Variants in CTDP1 observed in about 807,000 individuals in gnomAD.
The protein encoded by CTDP1 is RNA polymerase II subunit A C-terminal domain phosphatase.
CTDP1 carries 47 observed loss-of-function variants against 91.8 expected under a neutral mutation model. The ratio of observed to expected loss-of-function variants is 0.51; its 90% CI spans 0.41 to 0.65. The LOEUF (loss-of-function observed/expected upper bound fraction) is 0.65. Among genes scored for constraint, CTDP1 ranks in the 30% least tolerant of loss-of-function variants. The pLI is 0.00. For missense variants in CTDP1, 1,272 were observed against 1,373.7 expected (o/e 0.93, Z 1.17); for synonymous variants, 656 against 598.5 (o/e 1.10, Z -1.40).
chr18:79,742,181 TGAGAGAGAGAGA>T (rs35935192), intron 12 of CTDP1, among the ~76,000 whole-genome samples: 121 of 99,958 alleles, frequency 1.2e-3, no homozygotes, highest in African/African-American at 4.0e-3. Flanking sequence ...GCATGAAGCA[TGAGAGAGAGAGA>T]GAGAGAGAGA....
chr18:79,753,447 TG>T (rs1466059367), intron 12 of CTDP1, among the ~76,000 whole-genome samples: 1 of 152,234 alleles, frequency 6.6e-6, no homozygotes, highest in Non-Finnish European at 1.5e-5. Flanking sequence ...GTAACAGGGC[TG>T]GGGCCTCTTC....
Position 79,715,542 on chromosome 18 carries a change from C to G in CTDP1, c.2068+14C>G. ...CCGCGCGAGCTGGTGAGTGCTGCCT[C>G]CCTGTGCCCTGGGCATGGTCAGGCC... On this transcript the variant is annotated intron_variant, in intron 8 of 12. Transcript: ENST00000613122. 1 of 1,540,788 alleles carries G rather than the reference C, an allele frequency of 6.5e-7. No individual in the cohort carries two copies. Among genetic ancestry groups the G allele is most frequent in the South Asian group, 1.2e-5 (1 of 84,256 alleles).
chr18:79,731,869 A>G (rs2086571849), intron 11 of CTDP1, among the ~76,000 whole-genome samples: 1 of 152,182 alleles, frequency 6.6e-6, no homozygotes, highest in African/African-American at 2.4e-5. Flanking sequence ...AGATCACATG[A>G]GATGTAAGAA....
At chr18:79,702,175 GTTGA>G in intron 4 of CTDP1, among the ~76,000 whole-genome samples, 1 of 152,160 alleles carries the variant, frequency 6.6e-6, no homozygotes, top group Non-Finnish European at 1.5e-5. Flanking sequence ...GAAAGGAAGA[GTTGA>G]TTGATGGGAC....
rs541703706 is a variant in CTDP1 at position 79,703,164 on chromosome 18, A to T, written c.622-1603A>T. The T allele has an allele frequency of 5.3e-5, 8 of 152,330 alleles. No individual in the cohort carries two copies. The East Asian group carries it at 1.5e-3, about 29-fold the overall frequency. 9.4% of individuals were successfully genotyped at this position (152,330 alleles called of 1,614,324 possible). On this transcript the variant is annotated intron_variant, in intron 4 of 12. Coordinates refer to ENST00000613122, the MANE Select transcript of CTDP1 (RefSeq NM_004715.5). ...CTTCTCACTCCTAAATATTTGACAG[A>T]GTAGCTTCTTCATGACGGTCGTGAC...
intron 11 of CTDP1, among the ~76,000 whole-genome samples, chr18:79,729,346 C>T (rs1032262648): frequency 1.3e-5 from 2 of 152,206 alleles, no homozygotes; most frequent in South Asian, 2.1e-4. Flanking sequence ...TCACCAGGAC[C>T]GATGCCGCCC....
At chr18:79,728,280 A>G (rs2086492782) in intron 10 of CTDP1, among the ~76,000 whole-genome samples, 1 of 152,122 alleles carries the variant, frequency 6.6e-6, no homozygotes, top group East Asian at 1.9e-4. Context: ...TTGTATTTTT[A>G]GTAGAGATGG....
In CTDP1 at chr18:79,699,375, C is replaced by T. The variant is rs2085810976; in HGVS notation, c.621+1387C>T. ...TCCCGAGTTCACGCCATTCTCCTCC[C>T]TCAGACTCCCAAGTAGCTGGGACTA... is the stretch of plus-strand genomic sequence containing the variant. On this transcript the variant is annotated intron_variant, in intron 4 of 12. Coordinates refer to ENST00000613122, the MANE Select transcript of CTDP1 (RefSeq NM_004715.5). 2.0e-5 allele frequency among the ~76,000 whole-genome samples: 3 copies of T among 152,146 alleles called. No individual in the cohort carries two copies. In the South Asian group the frequency reaches 6.2e-4, roughly 32 times the overall value.
At chr18:79,734,630 G>GCC (rs1438603831) in intron 11 of CTDP1, among the ~76,000 whole-genome samples, 2 of 152,270 alleles carry the variant, frequency 1.3e-5, no homozygotes, top group East Asian at 3.9e-4. Flanking sequence ...GTGCTGGCCG[G>GCC]CCCGCCTGCC....
In CTDP1 at chr18:79,706,858, C is replaced by T. The variant is rs146632667; in HGVS notation, c.772+1941C>T. 4.1e-3 allele frequency among the ~76,000 whole-genome samples: 619 copies of T among 152,378 alleles called. 8 individuals are homozygous for T. Among genetic ancestry groups the T allele is most frequent in the African/African-American group, 0.014 (564 of 41,600 alleles). On this transcript the variant is annotated intron_variant, in intron 5 of 12. Transcript: ENST00000613122. ...TTTGCCTCCCGCCTCCCACACAAGG[C>T]GCACACCAGCGGGCACAGCCCGGTG...
chr18:79,680,570 G>A (rs973744371), intron 1 of CTDP1, among the ~76,000 whole-genome samples: 1 of 152,242 alleles, frequency 6.6e-6, no homozygotes, highest in East Asian at 1.9e-4. Flanking sequence ...CTCCACCTTT[G>A]TGACTTAGGA....
At chr18:79,719,209 T>G (rs1436837929) in intron 10 of CTDP1, among the ~76,000 whole-genome samples, 3 of 152,196 alleles carry the variant, frequency 2.0e-5, no homozygotes, top group Admixed American at 2.0e-4. Flanking sequence ...GTTTTGTCTT[T>G]TACGATTCTG....
At position 79,753,687 on chromosome 18, in the gene CTDP1, CCAGCGAGTCCAG is replaced by C. The variant is rs1260235478; in HGVS notation, c.2787_2798del (p.Ser929_Ser932del). ...AGGAAGCTGAATGAAGAGGACGCCG[CCAGCGAGTCCAG>C]CAGGGAGTCCAGCAACGAGGATGAG... On this transcript the variant is annotated inframe_deletion, in exon 13 of 13. Coordinates refer to ENST00000613122, the MANE Select transcript of CTDP1 (RefSeq NM_004715.5). 6.2e-7 allele frequency: 1 copy of C among 1,614,114 alleles called. No homozygotes were observed. Among genetic ancestry groups the C allele is most frequent in the South Asian group, 1.1e-5 (1 of 91,086 alleles).
At chr18:79,709,652 C>T (rs2086040416) in intron 5 of CTDP1, among the ~76,000 whole-genome samples, 1 of 152,228 alleles carries the variant, frequency 6.6e-6, no homozygotes, top group African/African-American at 2.4e-5. Flanking sequence ...GAAGCACCTT[C>T]TGCACTAGCT....
At position 79,753,716 on chromosome 18, in the gene CTDP1, G is replaced by A. The variant is rs559813716; in HGVS notation, c.2812G>A (p.Glu938Lys). 6.2e-6 allele frequency: 10 copies of A among 1,614,112 alleles called. No individual in the cohort carries two copies. Among genetic ancestry groups the A allele is most frequent in the East Asian group, 4.5e-5 (2 of 44,880 alleles). The change falls in exon 13 of 13, where the codon GAG becomes AAG. Residue 938 changes from glutamate (E) to lysine (K), a missense_variant. Glu to Lys is a moderately conservative substitution (Grantham distance 56). Around this residue, in one of 3 missense-constraint regions of CTDP1, gnomAD observed 881 missense variants for 911.6 expected, o/e 0.97. Transcript: ENST00000613122. ...ASESSRESSNEDEGSSSEADE... is the reference protein window; with the variant it reads ...ASESSRESSNKDEGSSSEADE... ...CGAGTCCAGCAGGGAGTCCAGCAAC[G>A]AGGATGAGGGCAGCAGCTCCGAGGC...
intron 12 of CTDP1, among the ~76,000 whole-genome samples, chr18:79,750,503 T>C (rs572953870): frequency 6.6e-6 from 1 of 151,672 alleles, no homozygotes; most frequent in East Asian, 1.9e-4. Flanking sequence ...GCCTTTTTTT[T>C]TCCCCCCCGA....
intron 1 of CTDP1, among the ~76,000 whole-genome samples, chr18:79,687,751 A>T (rs2085534954): frequency 6.6e-6 from 1 of 152,268 alleles, no homozygotes; most frequent in Non-Finnish European, 1.5e-5. Flanking sequence ...GCATACCACC[A>T]GGGGGTTAAA....
At chr18:79,679,153 G>A (rs777800135), upstream of CTDP1, 21 of 301,604 alleles carry the variant, frequency 7.0e-5, no homozygotes, top group Non-Finnish European at 1.3e-4. Context: ...AGGCGCTTCC[G>A]GGCGCCTTGC....
rs2849774 is a variant in CTDP1, at chr18:79,689,490, G to A, written c.315-5735G>A. On this transcript the variant is annotated intron_variant, in intron 1 of 12. Coordinates refer to ENST00000613122, the MANE Select transcript of CTDP1 (RefSeq NM_004715.5). The stretch of plus-strand genomic sequence containing the variant: ...TCCACTTTTTGGTTGACTTTCTGCC[G>A]TAAGAACAAATAAGGCCAGGCGTAG... 5.3e-3 allele frequency among the ~76,000 whole-genome samples: 788 copies of A among 148,758 alleles called. 5 individuals carry two copies. The highest frequency in any genetic ancestry group is 7.6e-3 in the Non-Finnish European group (496 of 65,542).
Sources: allele counts gnomAD v4.1 joint callset (sites outside exome capture counted in the v4.1 genomes callset), GRCh38; gene constraint gnomAD v4.1.1; regional missense constraint gnomAD v4.1.1; transcripts MANE v1.5; gene names NCBI Gene and HGNC (gene_info 2026-07-23, HGNC 2026-07-21).